RPS6KC1: variants seen among roughly 807,000 people sequenced by gnomAD.
RPS6KC1 encodes the protein ribosomal protein S6 kinase C1.
Under a neutral mutation model 103.8 loss-of-function variants are expected in RPS6KC1, and 54 were observed. That is an observed-to-expected ratio of 0.52 (90% CI 0.42 to 0.65). The LOEUF (loss-of-function observed/expected upper bound fraction) is 0.65. Ranked by LOEUF, RPS6KC1 falls within the 30% of genes least tolerant of loss-of-function variation. RPS6KC1 has a pLI of 0.00. For missense variants in RPS6KC1, 1,151 were observed against 1,253.8 expected (o/e 0.92, Z 1.24); for synonymous variants, 439 against 438.7 (o/e 1.00, Z -0.01).
the RPS6KC1 span, among the ~76,000 whole-genome samples, chr1:213,481,477 A>G: frequency 7.2e-5 from 11 of 152,294 alleles, no homozygotes; most frequent in East Asian, 7.7e-4. Flanking sequence ...CTCAGGAATC[A>G]TGGCTGTTAT....
At chr1:213,398,196 CTTT>C in the RPS6KC1 span, among the ~76,000 whole-genome samples, 4 of 109,480 alleles carry the variant, frequency 3.7e-5, no homozygotes, top group African/African-American at 1.4e-4. Context: ...CACACCTGGC[CTTT>C]TTTTTTTTTT....
chr1:213,793,159 T>C, the RPS6KC1 span, among the ~76,000 whole-genome samples: 1 of 152,112 alleles, frequency 6.6e-6, no homozygotes, highest in African/African-American at 2.4e-5. Flanking sequence ...TGGTGAGCCT[T>C]TTAGAATGGC....
chr1:213,806,990 C>T, the RPS6KC1 span, among the ~76,000 whole-genome samples: 3 of 151,938 alleles, frequency 2.0e-5, no homozygotes, highest in Non-Finnish European at 4.4e-5. Flanking sequence ...GACAAAATCT[C>T]TCAGCATTTG....
the RPS6KC1 span, among the ~76,000 whole-genome samples, chr1:213,512,625 A>G: frequency 2.8e-4 from 43 of 152,314 alleles, no homozygotes; most frequent in Non-Finnish European, 5.6e-4. Context: ...TGCTTTGGCA[A>G]ATTATCTAAG....
chr1:213,387,790 A>T, the RPS6KC1 span, among the ~76,000 whole-genome samples: 1 of 152,166 alleles, frequency 6.6e-6, no homozygotes, highest in Non-Finnish European at 1.5e-5. Flanking sequence ...CAACTTCTGG[A>T]TTTTTACAGA....
At chr1:213,082,940 C>T (rs545530819) in intron 3 of RPS6KC1, among the ~76,000 whole-genome samples, 1 of 152,298 alleles carries the variant, frequency 6.6e-6, no homozygotes, top group South Asian at 2.1e-4. Context: ...CTTACACATC[C>T]TCTCAAATAG....
chr1:213,440,953 A>G, the RPS6KC1 span, among the ~76,000 whole-genome samples: 1 of 152,208 alleles, frequency 6.6e-6, no homozygotes, highest in Non-Finnish European at 1.5e-5. Flanking sequence ...AGCAGACTGG[A>G]TGCATGTGAA....
chr1:213,286,637 AAAT>A, the RPS6KC1 span, among the ~76,000 whole-genome samples: 1 of 152,246 alleles, frequency 6.6e-6, no homozygotes, highest in Non-Finnish European at 1.5e-5. Context: ...CTGAGTATCC[AAAT>A]AATGAGAGGT....
chr1:213,588,576 G>A, the RPS6KC1 span, among the ~76,000 whole-genome samples: 3 of 152,160 alleles, frequency 2.0e-5, no homozygotes, highest in Admixed American at 6.5e-5. Context: ...TGGGATTACA[G>A]GCGTGAGACA....
intron 10 of RPS6KC1, among the ~76,000 whole-genome samples, chr1:213,238,538 AATT>A (rs1250790756): frequency 6.6e-6 from 1 of 152,180 alleles, no homozygotes; most frequent in Non-Finnish European, 1.5e-5. Flanking sequence ...ATTAGGCAGC[AATT>A]AGTAGGGTAG....
the RPS6KC1 span, among the ~76,000 whole-genome samples, chr1:213,500,350 C>T: frequency 5.3e-5 from 8 of 152,124 alleles, no homozygotes; most frequent in Admixed American, 1.3e-4. Context: ...ATAGCACTAA[C>T]GGCGCGGCCA....
At chr1:213,507,916 T>C in the RPS6KC1 span, among the ~76,000 whole-genome samples, 1 of 152,232 alleles carries the variant, frequency 6.6e-6, no homozygotes, top group African/African-American at 2.4e-5. Context: ...CCTTCTATTA[T>C]CCAGCTGGTA....
At chr1:213,638,152 G>A in the RPS6KC1 span, among the ~76,000 whole-genome samples, 1 of 151,954 alleles carries the variant, frequency 6.6e-6, no homozygotes, top group Admixed American at 6.6e-5. Context: ...CCCCCAATAG[G>A]TAATGATGTT....
the RPS6KC1 span, among the ~76,000 whole-genome samples, chr1:213,657,165 A>C: frequency 6.5e-4 from 99 of 152,328 alleles, no homozygotes; most frequent in African/African-American, 2.2e-3. Context: ...AGTGAAAAAA[A>C]AGTAATCAAA....
At chr1:213,617,444 A>G in the RPS6KC1 span, among the ~76,000 whole-genome samples, 1 of 152,166 alleles carries the variant, frequency 6.6e-6, no homozygotes, top group Non-Finnish European at 1.5e-5. Flanking sequence ...TATTCTGTTA[A>G]TTTGAAATGT....
At chr1:213,202,611 TCAAAAACAAAAAACAAACCAACAAA>T (rs551139410) in intron 8 of RPS6KC1, among the ~76,000 whole-genome samples, 5,105 of 151,912 alleles carry the variant, frequency 0.034, 115 homozygotes, top group Middle Eastern at 0.054. Context: ...AGACTCAGTC[TCAAAAACAAAAAACAAACCAACAAA>T]CAAAAACAAA....
the RPS6KC1 span, among the ~76,000 whole-genome samples, chr1:213,589,341 A>C: frequency 7.2e-5 from 11 of 152,084 alleles, no homozygotes; most frequent in Non-Finnish European, 1.5e-5. Flanking sequence ...GGAAACAAAG[A>C]CCTTGCTTAA....
chr1:213,187,392 G>T (rs2092577261), intron 8 of RPS6KC1, among the ~76,000 whole-genome samples: 1 of 151,250 alleles, frequency 6.6e-6, no homozygotes, highest in South Asian at 2.1e-4. Flanking sequence ...CTACAGACAT[G>T]CGCCACTATG....
intron 6 of RPS6KC1, among the ~76,000 whole-genome samples, chr1:213,147,151 C>G (rs1558414876): frequency 6.6e-6 from 1 of 152,066 alleles, no homozygotes. Context: ...GCTGTCTCTT[C>G]ACTTTTTTGA....
Sources: allele counts gnomAD v4.1 joint callset (sites outside exome capture counted in the v4.1 genomes callset), GRCh38; gene constraint gnomAD v4.1.1; transcripts MANE v1.5; gene names NCBI Gene and HGNC (gene_info 2026-07-23, HGNC 2026-07-21).